The following ANO3 variants were observed in gnomAD, a reference collection of about 807,000 sequenced individuals.
ANO3 encodes the protein anoctamin-3.
ANO3 carries 99 observed loss-of-function variants against 144.8 expected under a neutral mutation model. That is an observed-to-expected ratio of 0.68 (90% confidence interval 0.58 to 0.81). The LOEUF (loss-of-function observed/expected upper bound fraction) is 0.81. Ranked by LOEUF, ANO3 falls within the 30% of genes least tolerant of loss-of-function variation. The pLI, the probability that ANO3 is intolerant of heterozygous loss-of-function variation, is 0.00. For missense variants in ANO3, 905 were observed against 1,202.2 expected (o/e 0.75, Z 3.66); for synonymous variants, 414 against 392.6 (o/e 1.05, Z -0.64).
intron 26 of ANO3, among the ~76,000 whole-genome samples, chr11:26,659,495 G>T (rs1267173652): frequency 6.6e-6 from 1 of 151,872 alleles, no homozygotes; most frequent in Non-Finnish European, 1.5e-5. Flanking sequence ...GGAGCTCGAG[G>T]CCAGTCTAGG....
chr11:26,358,364 G>A lies in ANO3; in HGVS notation c.46+26043G>A, dbSNP rs1307158184. 2.0e-5 allele frequency among the ~76,000 whole-genome samples: 3 copies of A among 151,956 alleles called. No individual in the cohort carries two copies. The East Asian group carries it at 5.8e-4, about 29-fold the overall frequency. On this transcript the variant is annotated intron_variant, in intron 1 of 26. Coordinates refer to ENST00000256737, the MANE Select transcript of ANO3 (RefSeq NM_031418.4). The stretch of plus-strand genomic sequence containing the variant: ...TTTTTGTATTTTTAGTAGAGACGGG[G>A]TTTCACCATGTTGGCCAGAATGGCC...
Position 26,639,160 on chromosome 11 carries a change from G to C in ANO3, c.2060G>C (p.Cys687Ser). ...CTATTTCAGTGTCATCCTAGTGGCT[G>C]TTTGATAGACCTCTGCCTCCAGATG... The part of the protein sequence containing the change: ...WRLEECHPSG[C>S]LIDLCLQMGV... The change falls in exon 21 of 27, where the codon TGT becomes TCT. Residue 687 changes from cysteine to serine, a missense_variant. By Grantham distance (112) the Cys-to-Ser change is moderately radical. Around this residue, in one of 4 missense-constraint regions of ANO3, gnomAD observed 597 missense variants for 865.1 expected, o/e 0.69. Coordinates refer to ENST00000256737, the MANE Select transcript of ANO3 (RefSeq NM_031418.4). 5.0e-6 allele frequency: 8 copies of C among 1,612,674 alleles called. No homozygotes were observed. The highest frequency in any genetic ancestry group is 6.8e-6 in the Non-Finnish European group (8 of 1,178,848).
intron 4 of ANO3, among the ~76,000 whole-genome samples, chr11:26,476,316 G>GA (rs1439774365): frequency 6.6e-6 from 1 of 152,038 alleles, no homozygotes; most frequent in Non-Finnish European, 1.5e-5. Context: ...GAGTGATCAG[G>GA]AAAACAGCTT....
chr11:26,279,875 A>G (rs1853641357), intron 1 of ANO3, among the ~76,000 whole-genome samples: 1 of 152,160 alleles, frequency 6.6e-6, no homozygotes, highest in African/African-American at 2.4e-5. Context: ...AAGTCAAAAT[A>G]CCCAATACTT....
intron 4 of ANO3, among the ~76,000 whole-genome samples, chr11:26,481,323 A>G (rs1019802115): frequency 6.6e-6 from 1 of 152,062 alleles, no homozygotes; most frequent in African/African-American, 2.4e-5. Context: ...GGAGGAGGAG[A>G]GCAAGAGAGG....
chr11:26,253,585 G>A (rs1852988748), intron 1 of ANO3, among the ~76,000 whole-genome samples: 1 of 151,640 alleles, frequency 6.6e-6, no homozygotes, highest in African/African-American at 2.4e-5. Context: ...AAACCTCACT[G>A]GATACATTTT....
intron 5 of ANO3, chr11:26,508,510 A>G (rs1164357566): frequency 5.0e-6 from 2 of 402,320 alleles, no homozygotes; most frequent in Non-Finnish European, 8.7e-6. Flanking sequence ...AAACTGAATA[A>G]GGAATGATTA....
intron 1 of ANO3, among the ~76,000 whole-genome samples, chr11:26,322,307 C>G (rs1215813907): frequency 1.3e-5 from 2 of 152,070 alleles, no homozygotes; most frequent in Non-Finnish European, 2.9e-5. Flanking sequence ...TGCACAATTT[C>G]CTTTATTATT....
At chr11:26,467,203 G>A (rs933995737) in intron 4 of ANO3, among the ~76,000 whole-genome samples, 35 of 151,940 alleles carry the variant, frequency 2.3e-4, no homozygotes, top group African/African-American at 8.0e-4. Context: ...TGAGGTATAT[G>A]GGATATATTG....
intron 5 of ANO3, 81 bp downstream of exon 5, chr11:26,508,343 T>C: frequency 1.6e-6 from 2 of 1,264,452 alleles, no homozygotes; most frequent in South Asian, 1.6e-5. Flanking sequence ...AAGAAAAATA[T>C]GTATCACATG....
chr11:26,630,911 T>G (rs1331803325), intron 18 of ANO3, among the ~76,000 whole-genome samples: 1 of 152,072 alleles, frequency 6.6e-6, no homozygotes, highest in African/African-American at 2.4e-5. Flanking sequence ...TAATAAGAGT[T>G]TCATAGAATC....
At chr11:26,394,904 TA>T (rs1185513652) in intron 1 of ANO3, among the ~76,000 whole-genome samples, 1 of 152,110 alleles carries the variant, frequency 6.6e-6, no homozygotes, top group African/African-American at 2.4e-5. Flanking sequence ...TTGATTTCTA[TA>T]GATTTTCAAA....
At chr11:26,586,297 A>C (rs1851272683) in intron 14 of ANO3, among the ~76,000 whole-genome samples, 1 of 151,216 alleles carries the variant, frequency 6.6e-6, no homozygotes, top group African/African-American at 2.4e-5. Flanking sequence ...CAGTTCTTCC[A>C]ACTGCTCAGT....
At chr11:26,547,580 T>C in intron 12 of ANO3, 30 bp downstream of exon 12, 1 of 1,604,724 alleles carries the variant, frequency 6.2e-7, no homozygotes, top group Non-Finnish European at 8.5e-7. Flanking sequence ...ATTAAAAATA[T>C]TTGGCTTGTC....
intron 14 of ANO3, among the ~76,000 whole-genome samples, chr11:26,586,017 A>C (rs533281111): frequency 4.4e-4 from 67 of 152,162 alleles, no homozygotes; most frequent in Non-Finnish European, 8.5e-4. Context: ...TTGACCTTAT[A>C]GTTTTTGTAT....
At chr11:26,273,475 T>C (rs11605434) in intron 1 of ANO3, among the ~76,000 whole-genome samples, 1 of 152,180 alleles carries the variant, frequency 6.6e-6, no homozygotes, top group Non-Finnish European at 1.5e-5. Context: ...GATTACACTA[T>C]TGAGCTGTCA....
chr11:26,569,893 G>A (rs925622968), intron 14 of ANO3, among the ~76,000 whole-genome samples: 1 of 151,960 alleles, frequency 6.6e-6, no homozygotes, highest in Non-Finnish European at 1.5e-5. Flanking sequence ...ATTGCAGAGG[G>A]AGAGAAATCA....
rs551806362 is a variant in ANO3 at position 26,333,869 on chromosome 11, A to G, written c.46+1548A>G. On this transcript the variant is annotated intron_variant, in intron 1 of 26. Coordinates refer to ENST00000256737, the MANE Select transcript of ANO3 (RefSeq NM_031418.4). Reference sequence around the variant, plus strand: ...GCTTCAAGAAGTTGTGTTCTCTTTAATCATGGTTTTAAACATACATAAACT... The same window carrying G: ...GCTTCAAGAAGTTGTGTTCTCTTTAGTCATGGTTTTAAACATACATAAACT... 1.5e-3 allele frequency among the ~76,000 whole-genome samples: 224 copies of G among 152,346 alleles called. 1 individual carries two copies. Among genetic ancestry groups the G allele is most frequent in the African/African-American group, 5.2e-3 (215 of 41,580 alleles).
intron 1 of ANO3, among the ~76,000 whole-genome samples, chr11:26,386,040 A>G (rs540583281): frequency 6.6e-6 from 1 of 152,274 alleles, no homozygotes; most frequent in East Asian, 1.9e-4. Context: ...AGTTTTAAAT[A>G]TCTTCCAGTA....
Sources: allele counts gnomAD v4.1 joint callset (sites outside exome capture counted in the v4.1 genomes callset), GRCh38; gene constraint gnomAD v4.1.1; regional missense constraint gnomAD v4.1.1; transcripts MANE v1.5; gene names NCBI Gene and HGNC (gene_info 2026-07-23, HGNC 2026-07-21).